TMEM63A: variants seen among roughly 807,000 people sequenced by gnomAD.
TMEM63A encodes the protein mechanosensitive cation channel TMEM63A.
In TMEM63A, 76 loss-of-function variants were observed where a neutral mutation model predicts 100.6. The observed-to-expected ratio is 0.76, with a 90% CI of 0.63 to 0.91. TMEM63A has a LOEUF of 0.91. Ranked by LOEUF, TMEM63A falls within the 40% of genes least tolerant of loss-of-function variation. TMEM63A has a pLI of 0.00. For synonymous variants in TMEM63A, 401 were observed against 401.1 expected (o/e 1.00, Z 0.00); for missense variants, 876 against 1,008.8 (o/e 0.87, Z 1.78).
At chr1:225,845,351 A>G (rs767169231), downstream of TMEM63A, 12 of 1,497,952 alleles carry the variant, frequency 8.0e-6, no homozygotes, top group African/African-American at 8.9e-5. Context: ...GCAATGACCC[A>G]CCCCTCTCCC....
intron 5 of TMEM63A, chr1:225,871,638 A>T (rs1406017827): frequency 1.3e-5 from 4 of 306,066 alleles, no homozygotes; most frequent in Non-Finnish European, 2.4e-5. Flanking sequence ...AGGCGCTGGG[A>T]AACAGGGCTG....
chr1:225,874,125 C>T (rs1450800849), intron 4 of TMEM63A, among the ~76,000 whole-genome samples, 163 bp downstream of exon 4: 1 of 152,116 alleles, frequency 6.6e-6, no homozygotes, highest in African/African-American at 2.4e-5. Flanking sequence ...TGTGTGGGTC[C>T]TGCCCACATG....
In TMEM63A at chr1:225,863,266, C is replaced by T. The variant is rs575069150; in HGVS notation, c.747-415G>A. On this transcript the variant is annotated intron_variant, in intron 10 of 24. Transcript: ENST00000366835. ...CTCGCTATGTTGCCCAGGCTGATTTCGAACTTCTGGCCTCAAGCACTCCTC... is the reference window on the plus strand; with the variant it reads ...CTCGCTATGTTGCCCAGGCTGATTTTGAACTTCTGGCCTCAAGCACTCCTC... 3.3e-3 allele frequency among the ~76,000 whole-genome samples: 504 copies of T among 152,216 alleles called. 3 individuals carry two copies. The highest frequency in any genetic ancestry group is 0.014 in the Middle Eastern group (4 of 294).
chr1:225,848,713 T>TG (rs1282674885), intron 22 of TMEM63A, among the ~76,000 whole-genome samples, 159 bp from the exon 23 acceptor site: 4 of 151,786 alleles, frequency 2.6e-5, no homozygotes, highest in Non-Finnish European at 4.4e-5. Context: ...AGTGCAGGGA[T>TG]GAGGGGAGGA....
chr1:225,854,527 G>A lies in TMEM63A; in HGVS notation c.1635-736C>T, dbSNP rs1669515070. Among the ~76,000 whole-genome samples the A allele has an allele frequency of 1.3e-5, 2 of 152,184 alleles. 1 individual carries two copies. The highest frequency in any genetic ancestry group is 4.1e-4 in the South Asian group (2 of 4,836). ...GAAAGGAAACAAGGTGAACTTTGAG[G>A]TTTTTTGCCAAAACAAGTAGAAAAA... On this transcript the variant is annotated intron_variant, in intron 18 of 24. Coordinates refer to ENST00000366835, the MANE Select transcript of TMEM63A (RefSeq NM_014698.3).
chr1:225,865,749 G>A lies in TMEM63A; in HGVS notation c.746+148C>T, dbSNP rs866075388. 23 of 742,564 alleles carry A rather than the reference G, an allele frequency of 3.1e-5. No homozygotes were observed. Among genetic ancestry groups the A allele is most frequent in the African/African-American group, 5.2e-5 (3 of 57,302 alleles). The allele number at this position is 742,564 out of a possible 1,614,324, so 46.0% of individuals were successfully genotyped here. A position where few individuals can be genotyped will look rare whatever the true frequency, so the allele number is the denominator to read the frequency against. On this transcript the variant is annotated intron_variant, in intron 10 of 24. Coordinates refer to ENST00000366835, the MANE Select transcript of TMEM63A (RefSeq NM_014698.3). The surrounding 1 kb of genome is among the most constrained non-coding windows in gnomAD (Gnocchi z 4.6). ...GGCACACAGGAGCCACTCCATACAC[G>A]TGTGGCAGGGCCAGGTCCTTCTCAG...
chr1:225,874,871 A>T (rs1181156807), intron 3 of TMEM63A, among the ~76,000 whole-genome samples: 2 of 152,132 alleles, frequency 1.3e-5, no homozygotes, highest in Non-Finnish European at 2.9e-5. Context: ...AGTAGCTGGG[A>T]CTACAGGTGC....
intron 4 of TMEM63A, among the ~76,000 whole-genome samples, chr1:225,873,792 C>G (rs1324624023): frequency 6.6e-6 from 1 of 152,138 alleles, no homozygotes; most frequent in African/African-American, 2.4e-5. Flanking sequence ...TCAGCCCTGG[C>G]CCCAAGCTAA....
At chr1:225,880,399 A>G (rs1178427160) in intron 1 of TMEM63A, among the ~76,000 whole-genome samples, 1 of 152,166 alleles carries the variant, frequency 6.6e-6, no homozygotes, top group African/African-American at 2.4e-5. Context: ...AGCTGGGAAC[A>G]CAGACACCAT....
At chr1:225,882,269 G>C (rs1439694003) in intron 1 of TMEM63A, 35 bp downstream of exon 1, 1 of 146,186 alleles carries the variant, frequency 6.8e-6, no homozygotes, top group Non-Finnish European at 1.5e-5. Flanking sequence ...GGCGGAGGGT[G>C]CATTGCCCCT....
downstream of TMEM63A, chr1:225,845,390 C>T (rs1668885563): frequency 2.6e-6 from 4 of 1,532,952 alleles, no homozygotes; most frequent in Non-Finnish European, 3.5e-6. Flanking sequence ...CCACAAGTGC[C>T]CTCCAGGCTT....
At chr1:225,842,523 A>C (rs773874395), downstream of TMEM63A, 3 of 1,290,726 alleles carry the variant, frequency 2.3e-6, no homozygotes, top group East Asian at 6.9e-5. Flanking sequence ...CCCAGCAGCC[A>C]ACCTCCTCAC....
At chr1:225,868,073 C>A in intron 6 of TMEM63A, 43 bp from the exon 7 acceptor site, 1 of 1,608,384 alleles carries the variant, frequency 6.2e-7, no homozygotes. Flanking sequence ...GTGGAACAGG[C>A]CTCGGGGCTC....
In TMEM63A at chr1:225,877,405, C is replaced by A. The variant is rs1253366186; in HGVS notation, c.176G>T (p.Ser59Ile). The A allele has an allele frequency of 1.2e-6, 2 of 1,612,206 alleles. No homozygotes were observed. The highest frequency in any genetic ancestry group is 2.7e-5 in the African/African-American group (2 of 74,908). ...GIPTVLLIDVSCFLFLILVFS... is the reference protein window; with the variant it reads ...GIPTVLLIDVICFLFLILVFS... The stretch of plus-strand genomic sequence containing the variant: ...CATGAGGGCTCTCACCAGGAAGCAG[C>A]TGACGTCTATGAGCAGGACAGTGGG... Residue 59 changes from serine (S) to isoleucine (I), a missense_variant, in exon 3 of 25, where the codon AGC (serine) becomes ATC (isoleucine). Ser to Ile is a moderately radical substitution (Grantham distance 142). Around this residue, in one of 5 missense-constraint regions of TMEM63A, gnomAD observed 487 missense variants for 581.9 expected, o/e 0.84. Coordinates refer to ENST00000366835, the MANE Select transcript of TMEM63A (RefSeq NM_014698.3).
chr1:225,846,974 C>A, intron 24 of TMEM63A, 42 bp from the exon 25 acceptor site: 4 of 1,513,004 alleles, frequency 2.6e-6, no homozygotes, highest in Non-Finnish European at 3.5e-6. Flanking sequence ...GGAGTCAGGC[C>A]GCTTCACCTG....
At position 225,856,733 on chromosome 1, in the gene TMEM63A, C is replaced by T. The variant is rs202236133; in HGVS notation, c.1490G>A (p.Gly497Glu). Residue 497 changes from glycine (G) to glutamate (E), a missense_variant, in exon 17 of 25, where the codon GGG (glycine) becomes GAG (glutamate). Coordinates refer to ENST00000366835, the MANE Select transcript of TMEM63A (RefSeq NM_014698.3). ...TLLESHWTKSGENQIMMTKVY... is the reference protein window; with the variant it reads ...TLLESHWTKSEENQIMMTKVY... The stretch of plus-strand genomic sequence containing the variant: ...TTTGGTCATCATGATCTGGTTTTCC[C>T]CCGACCTGCAGGAAGTCAAAGGTGA... 213 of 1,613,400 alleles carry T rather than the reference C, an allele frequency of 1.3e-4. No individual in the cohort carries two copies. The highest frequency in any genetic ancestry group is 2.4e-5 in the Non-Finnish European group (28 of 1,179,876).
At chr1:225,861,698 C>T (rs1461102503) in intron 13 of TMEM63A, 1 of 169,228 alleles carries the variant, frequency 5.9e-6, no homozygotes, top group African/African-American at 2.4e-5. Flanking sequence ...GGCATGAGAG[C>T]CTAGAGTCCC....
At position 225,877,504 on chromosome 1, in the gene TMEM63A, C is replaced by T. The variant is rs753093672; in HGVS notation, c.77G>A (p.Arg26Gln). 15 of 1,614,064 alleles carry T rather than the reference C, an allele frequency of 9.3e-6. No individual in the cohort carries two copies. The highest frequency in any genetic ancestry group is 1.7e-5 in the Admixed American group (1 of 60,002). ...GTTGTAGCAATAGGAGTCGTTGGGCCGGTCCCCGAGTCCCAGCTGCTCCCT... is the reference window on the plus strand; with the variant it reads ...GTTGTAGCAATAGGAGTCGTTGGGCTGGTCCCCGAGTCCCAGCTGCTCCCT... ...SIREQLGLGDRPNDSYCYNSA... is the reference protein window; with the variant it reads ...SIREQLGLGDQPNDSYCYNSA... The change falls in exon 3 of 25, where the codon CGG becomes CAG. Residue 26 changes from arginine to glutamine, a missense_variant. By Grantham distance (43) the Arg-to-Gln change is conservative. Transcript: ENST00000366835.
At position 225,845,682 on chromosome 1, in the gene TMEM63A, C is replaced by T. The variant is rs1215139915; in HGVS notation, c.*1257G>A. Reference sequence around the variant, plus strand: ...ACGGGAGGCCTGCTGGGGATGAGGCCACTGGCCAGGGCTATGCTGCACCAG... The same window carrying T: ...ACGGGAGGCCTGCTGGGGATGAGGCTACTGGCCAGGGCTATGCTGCACCAG... On this transcript the variant is annotated 3_prime_UTR_variant, in exon 25 of 25. Coordinates refer to ENST00000366835, the MANE Select transcript of TMEM63A (RefSeq NM_014698.3). The T allele has an allele frequency of 2.3e-6, 1 of 442,006 alleles. No homozygotes were observed. Among genetic ancestry groups the T allele is most frequent in the East Asian group, 4.7e-5 (1 of 21,294 alleles). 27.4% of individuals were successfully genotyped at this position (442,006 alleles called of 1,614,324 possible). A position where few individuals can be genotyped will look rare whatever the true frequency, so the allele number is the denominator to read the frequency against.
Sources: allele counts gnomAD v4.1 joint callset (sites outside exome capture counted in the v4.1 genomes callset), GRCh38; gene constraint gnomAD v4.1.1; regional missense constraint gnomAD v4.1.1; non-coding constraint Gnocchi (gnomAD v3.1); transcripts MANE v1.5; gene names NCBI Gene and HGNC (gene_info 2026-07-23, HGNC 2026-07-21).